CDH8: variants seen among roughly 807,000 people sequenced by gnomAD.
The protein encoded by CDH8 is cadherin 8, also known as cadherin-8.
In CDH8, 17 loss-of-function variants were observed where a neutral mutation model predicts 68.1. That is an observed-to-expected ratio of 0.25 (90% CI 0.17 to 0.37). The LOEUF is 0.37. CDH8 is among the 10% of genes least tolerant of loss of function. CDH8 has a pLI of 1.00. For synonymous variants in CDH8, 372 were observed against 365.1 expected, an observed-to-expected ratio of 1.02 and a Z score of -0.21; for missense variants, 763 against 999.3, an observed-to-expected ratio of 0.76 and a Z score of 3.19.
chr16:61,790,594 A>G (rs1961354787), intron 7 of CDH8, among the ~76,000 whole-genome samples: 1 of 152,056 alleles, frequency 6.6e-6, no homozygotes, highest in South Asian at 2.1e-4. Flanking sequence ...AAGCTGAAGC[A>G]TGGTCCATGC....
At chr16:61,923,462 G>A (rs1427779981) in intron 2 of CDH8, among the ~76,000 whole-genome samples, 2 of 151,992 alleles carry the variant, frequency 1.3e-5, no homozygotes, top group African/African-American at 4.8e-5. Context: ...AAAAATTATA[G>A]GGTTGGCATC....
intron 8 of CDH8, among the ~76,000 whole-genome samples, chr16:61,729,526 T>G (rs1156812321): frequency 6.6e-6 from 1 of 151,278 alleles, no homozygotes. Context: ...GAATTTTGCT[T>G]ATGGTCCTAT....
At chr16:61,948,702 G>A (rs1193282100) in intron 2 of CDH8, among the ~76,000 whole-genome samples, 4 of 152,186 alleles carry the variant, frequency 2.6e-5, no homozygotes, top group African/African-American at 9.6e-5. Flanking sequence ...CTTTAAGCCC[G>A]CTCAAGAAAA....
intron 6 of CDH8, among the ~76,000 whole-genome samples, chr16:61,820,313 G>GGTTTT (rs1962181504): frequency 2.2e-5 from 2 of 92,962 alleles, no homozygotes; most frequent in African/African-American, 1.2e-4. Context: ...CTGCCTGTTT[G>GGTTTT]GTTTTTTTTT....
intron 2 of CDH8, among the ~76,000 whole-genome samples, chr16:61,997,573 T>A (rs1271552592): frequency 6.6e-6 from 1 of 152,152 alleles, no homozygotes; most frequent in African/African-American, 2.4e-5. Flanking sequence ...AGAAATAGAA[T>A]TGTCAGAAAG....
chr16:62,009,208 C>G (rs910315065), intron 2 of CDH8, among the ~76,000 whole-genome samples: 5 of 152,092 alleles, frequency 3.3e-5, no homozygotes, highest in African/African-American at 1.2e-4. Context: ...TTGCTAAAGG[C>G]ATAAAGGGGT....
At chr16:61,964,338 C>G (rs1216233007) in intron 2 of CDH8, among the ~76,000 whole-genome samples, 1 of 152,092 alleles carries the variant, frequency 6.6e-6, no homozygotes, top group East Asian at 1.9e-4. Context: ...AGGTGGGAAC[C>G]GCCCAGGACA....
rs1263598585 is a variant in CDH8, at chr16:61,655,659, G to T, written c.1717C>A (p.Leu573Ile). 2 of 1,614,008 alleles carry T rather than the reference G, an allele frequency of 1.2e-6. No homozygotes were observed. Among genetic ancestry groups the T allele is most frequent in the South Asian group, 1.1e-5 (1 of 91,080 alleles). The change falls in exon 11 of 12, where the codon CTT becomes ATT. Residue 573 changes from leucine to isoleucine, a missense_variant. By Grantham distance (5) the Leu-to-Ile change is conservative (BLOSUM62 2). Around this residue, in one of 2 missense-constraint regions of CDH8, gnomAD observed 397 missense variants for 436.2 expected, o/e 0.91. Transcript: ENST00000577390. ...CTATCACTGATTATGATTGGTAAAAGATAGACTTCTTGCTTCTGGCGGTTG... is the reference window on the plus strand; with the variant it reads ...CTATCACTGATTATGATTGGTAAAATATAGACTTCTTGCTTCTGGCGGTTG... ...GFNRQKQEVY[L>I]LPIIISDSGN... is the part of the protein sequence containing the mutation.
intron 4 of CDH8, among the ~76,000 whole-genome samples, chr16:61,832,317 G>A (rs138319237): frequency 6.7e-6 from 1 of 148,692 alleles, no homozygotes; most frequent in African/African-American, 2.5e-5. Context: ...GATTTTAGAG[G>A]AAGACAGATA....
rs745393669 is a variant in CDH8 at position 62,021,430 on chromosome 16, C to T, written c.-27G>A. Reference sequence around the variant, plus strand: ...GTCCCACCAGTTAAGCAAATCACCACGAAAATGAGACAATTATTTTTTTTG... The same window carrying T: ...GTCCCACCAGTTAAGCAAATCACCATGAAAATGAGACAATTATTTTTTTTG... On this transcript the variant is annotated 5_prime_UTR_variant, in exon 2 of 12. The change creates a new upstream start codon in the 5' untranslated region. Transcript: ENST00000577390. 57 of 1,575,284 alleles carry T rather than the reference C, an allele frequency of 3.6e-5. No individual in the cohort carries two copies. Among genetic ancestry groups the T allele is most frequent in the Admixed American group, 1.3e-4 (7 of 53,902 alleles).
intron 3 of CDH8, among the ~76,000 whole-genome samples, chr16:61,871,012 AG>A (rs1344681243): frequency 6.6e-6 from 1 of 152,150 alleles, no homozygotes; most frequent in African/African-American, 2.4e-5. Context: ...AGGCATAAAT[AG>A]GTACTCGATA....
chr16:62,015,393 ATG>A (rs764116909), intron 2 of CDH8, among the ~76,000 whole-genome samples: 2 of 151,798 alleles, frequency 1.3e-5, no homozygotes, highest in Non-Finnish European at 2.9e-5. Flanking sequence ...CATGTGGGGC[ATG>A]TGTGTGTGTG....
At chr16:61,852,600 C>T (rs1962958890) in intron 4 of CDH8, among the ~76,000 whole-genome samples, 1 of 151,992 alleles carries the variant, frequency 6.6e-6, no homozygotes, top group East Asian at 1.9e-4. Flanking sequence ...AATGCTGCTC[C>T]TAAATGAATT....
intron 8 of CDH8, among the ~76,000 whole-genome samples, chr16:61,782,283 C>T (rs1261465769): frequency 6.6e-6 from 1 of 152,188 alleles, no homozygotes; most frequent in Non-Finnish European, 1.5e-5. Context: ...CTGGGAAGCA[C>T]AAGGGGTCAG....
intron 2 of CDH8, among the ~76,000 whole-genome samples, chr16:61,941,868 AATTTTCTCT>A (rs1964730268): frequency 6.6e-6 from 1 of 151,974 alleles, no homozygotes; most frequent in Non-Finnish European, 1.5e-5. Flanking sequence ...TAGCATCCTC[AATTTTCTCT>A]ATTTACACAC....
intron 8 of CDH8, among the ~76,000 whole-genome samples, chr16:61,761,376 T>C (rs1359021510): frequency 6.6e-6 from 1 of 152,160 alleles, no homozygotes; most frequent in Non-Finnish European, 1.5e-5. Flanking sequence ...CAAAATGCAT[T>C]TCCCAGAAGA....
intron 2 of CDH8, among the ~76,000 whole-genome samples, chr16:61,989,076 T>C (rs1965674080): frequency 6.6e-6 from 1 of 152,182 alleles, no homozygotes; most frequent in Non-Finnish European, 1.5e-5. Flanking sequence ...TTCCTTTGAT[T>C]ATGTGAGACT....
At chr16:62,034,435 T>G (rs12927313) in intron 1 of CDH8, among the ~76,000 whole-genome samples, 78,243 of 151,890 alleles carry the variant, frequency 0.52, 21,551 homozygotes, top group African/African-American at 0.72. Flanking sequence ...TAATAAAGCC[T>G]GAGGTGACAG....
intron 2 of CDH8, among the ~76,000 whole-genome samples, chr16:61,929,841 G>A (rs1964512421): frequency 6.6e-6 from 1 of 152,094 alleles, no homozygotes; most frequent in African/African-American, 2.4e-5. Flanking sequence ...AGTGAGCTAT[G>A]ATCAAGCCAC....
Sources: allele counts gnomAD v4.1 joint callset (sites outside exome capture counted in the v4.1 genomes callset), GRCh38; gene constraint gnomAD v4.1.1; regional missense constraint gnomAD v4.1.1; transcripts MANE v1.5; gene names NCBI Gene and HGNC (gene_info 2026-07-23, HGNC 2026-07-21).